Variants in CBL observed in about 807,000 individuals in gnomAD.
CBL encodes E3 ubiquitin-protein ligase CBL.
In CBL, 45 loss-of-function variants were observed where a neutral mutation model predicts 96.9. The observed-to-expected ratio is 0.46, with a 90% CI of 0.37 to 0.60. CBL has a LOEUF of 0.60. CBL is among the 20% of genes least tolerant of loss of function. The pLI is 0.00. For missense variants in CBL, 1,024 were observed against 1,143.5 expected (o/e 0.90, Z 1.51); for synonymous variants, 420 against 426.8 (o/e 0.98, Z 0.20).
At chr11:119,262,045 G>A (rs1210430608) in intron 2 of CBL, among the ~76,000 whole-genome samples, 1 of 152,126 alleles carries the variant, frequency 6.6e-6, no homozygotes, top group African/African-American at 2.4e-5. Context: ...CAGAATCATG[G>A]CATGCAAACA....
chr11:119,279,907 T>G (rs1282641205), intron 9 of CBL, among the ~76,000 whole-genome samples: 1 of 152,206 alleles, frequency 6.6e-6, no homozygotes, highest in African/African-American at 2.4e-5. Context: ...GACAAGGCTT[T>G]CAAGGAGCTA....
At chr11:119,230,431 C>T (rs761603107) in intron 1 of CBL, among the ~76,000 whole-genome samples, 9 of 152,274 alleles carry the variant, frequency 5.9e-5, no homozygotes, top group Non-Finnish European at 1.2e-4. Flanking sequence ...TGAGCCACCG[C>T]GCCCGGCCTG....
At chr11:119,284,890 C>T in intron 9 of CBL, 79 bp from the exon 10 acceptor site, 1 of 1,542,510 alleles carries the variant, frequency 6.5e-7, no homozygotes, top group Non-Finnish European at 8.9e-7. Flanking sequence ...ATGGTATTTG[C>T]CATCCACAGC....
intron 12 of CBL, chr11:119,289,627 A>G (rs1277393374): frequency 6.6e-6 from 1 of 151,934 alleles, no homozygotes; most frequent in African/African-American, 2.4e-5. Context: ...AATCATGGTA[A>G]TCATCTCTGT....
In CBL at chr11:119,307,440, C is replaced by T. The variant is rs567049953; in HGVS notation, c.*7659C>T. 23 of 232,724 alleles carry T rather than the reference C, an allele frequency of 9.9e-5. No individual in the cohort carries two copies. The highest frequency in any genetic ancestry group is 5.6e-4 in the Admixed American group (10 of 17,716). 14.4% of individuals were successfully genotyped at this position (232,724 alleles called of 1,614,324 possible). A position where few individuals can be genotyped will look rare whatever the true frequency, so the allele number is the denominator to read the frequency against. On this transcript the variant is annotated 3_prime_UTR_variant, in exon 16 of 16. Transcript: ENST00000264033. ...TGGTCTAGACCTCCTGCCCCCACCC[C>T]CCAGCCCCCATCAGATGTGGCTGGC...
intron 2 of CBL, among the ~76,000 whole-genome samples, chr11:119,259,532 C>T (rs530892945): frequency 3.3e-5 from 5 of 151,800 alleles, no homozygotes; most frequent in Non-Finnish European, 5.9e-5. Flanking sequence ...ACAGTAAATA[C>T]TATTTACTTT....
intron 1 of CBL, among the ~76,000 whole-genome samples, chr11:119,229,202 A>T (rs1054860418): frequency 6.6e-6 from 1 of 152,180 alleles, no homozygotes; most frequent in Non-Finnish European, 1.5e-5. Context: ...GTCTGTTTAT[A>T]AATACCTGAC....
At position 119,214,321 on chromosome 11, in the gene CBL, C is replaced by T. The variant is rs532116637; in HGVS notation, c.195+7709C>T. Among the ~76,000 whole-genome samples, 6 of 151,726 alleles carry T rather than the reference C, an allele frequency of 4.0e-5. No individual in the cohort carries two copies. In the South Asian group the frequency reaches 6.3e-4, roughly 16 times the overall value. On this transcript the variant is annotated intron_variant, in intron 1 of 15. Coordinates refer to ENST00000264033, the MANE Select transcript of CBL (RefSeq NM_005188.4). ...AGTCTCGGCTCAATGCAATGAGTGGCGTGATCTCACCTCTGCCTCCTGGGT... is the reference window on the plus strand; with the variant it reads ...AGTCTCGGCTCAATGCAATGAGTGGTGTGATCTCACCTCTGCCTCCTGGGT...
In CBL at chr11:119,285,217, A is replaced by C; in HGVS notation, c.1592A>C (p.Lys531Thr). 6.2e-7 allele frequency: 1 copy of C among 1,614,148 alleles called. No individual in the cohort carries two copies. Among genetic ancestry groups the C allele is most frequent in the Non-Finnish European group, 8.5e-7 (1 of 1,180,030 alleles). ...KAASGSLHKDKPLPVPPTLRD... is the reference protein window; with the variant it reads ...KAASGSLHKDTPLPVPPTLRD... ...GCTTCTGGCTCCCTTCATAAAGACA[A>C]ACCATTGCCAGTACCTCCCACACTT... Residue 531 changes from lysine (K) to threonine (T), a missense_variant, in exon 11 of 16, where the codon AAA becomes ACA. Lys to Thr is a moderately conservative substitution (Grantham distance 78, BLOSUM62 -1). This residue lies in a region of CBL where 695 missense variants were observed against 661.6 expected (regional missense o/e 1.05). Coordinates refer to ENST00000264033, the MANE Select transcript of CBL (RefSeq NM_005188.4).
chr11:119,213,455 T>G (rs1438221250), intron 1 of CBL, among the ~76,000 whole-genome samples: 1 of 152,212 alleles, frequency 6.6e-6, no homozygotes, highest in Non-Finnish European at 1.5e-5. Context: ...AACATCTTTC[T>G]TCTGTGTGTG....
chr11:119,283,261 G>A (rs1949952027), intron 9 of CBL, among the ~76,000 whole-genome samples: 1 of 152,222 alleles, frequency 6.6e-6, no homozygotes, highest in Admixed American at 6.5e-5. Context: ...GAGCTGTTTA[G>A]CTGCTCATGC....
At chr11:119,234,338 A>G (rs1262927145) in intron 2 of CBL, among the ~76,000 whole-genome samples, 19 of 152,178 alleles carry the variant, frequency 1.2e-4, no homozygotes, top group Admixed American at 1.2e-3. Flanking sequence ...TTCTGAGTGA[A>G]TTCAATCCGT....
chr11:119,300,085 A>G lies in CBL; in HGVS notation c.*304A>G, dbSNP rs1950091449. 5.4e-6 allele frequency: 3 copies of G among 554,656 alleles called. No individual in the cohort carries two copies. In the East Asian group the frequency reaches 9.1e-5, roughly 17 times the overall value. The allele number at this position is 554,656 out of a possible 1,614,324, so 34.4% of individuals were successfully genotyped here. A position where few individuals can be genotyped will look rare whatever the true frequency, so the allele number is the denominator to read the frequency against. On this transcript the variant is annotated 3_prime_UTR_variant, in exon 16 of 16. Transcript: ENST00000264033. ...GAACAGTCCAGAAAGCTATAGAACA[A>G]GTATTTTGCTGGAAATCCTAATTGA...
In CBL at chr11:119,278,381, G is replaced by A. The variant is rs2135304160; in HGVS notation, c.1227+84G>A. On this transcript the variant is annotated intron_variant, in intron 8 of 15. Transcript: ENST00000264033. ...TATATAGCCTTTACTGATACAAGGGGTGGCCTGGCTTTTGGGGTTAGGTTT... is the reference window on the plus strand; with the variant it reads ...TATATAGCCTTTACTGATACAAGGGATGGCCTGGCTTTTGGGGTTAGGTTT... 3.2e-6 allele frequency: 5 copies of A among 1,560,446 alleles called. No individual in the cohort carries two copies. In the South Asian group the frequency reaches 3.3e-5, roughly 10 times the overall value.
chr11:119,248,587 G>A (rs1400029408), intron 2 of CBL, among the ~76,000 whole-genome samples: 1 of 152,112 alleles, frequency 6.6e-6, no homozygotes, highest in Non-Finnish European at 1.5e-5. Context: ...ATGAATCTTG[G>A]ATTAGGCAAT....
intron 1 of CBL, among the ~76,000 whole-genome samples, chr11:119,225,097 T>C (rs1165558287): frequency 2.0e-5 from 3 of 151,326 alleles, no homozygotes; most frequent in Admixed American, 6.6e-5. Context: ...TGTATGCATG[T>C]ATTTATTTAT....
chr11:119,213,820 C>T (rs1466535550), intron 1 of CBL, among the ~76,000 whole-genome samples: 3 of 152,100 alleles, frequency 2.0e-5, no homozygotes, highest in Non-Finnish European at 4.4e-5. Flanking sequence ...CTTCCTCCCG[C>T]TTTGGCCTTC....
chr11:119,236,595 GTATATATATATATATATATATATA>G (rs71048051), intron 2 of CBL, among the ~76,000 whole-genome samples: 1 of 137,746 alleles, frequency 7.3e-6, no homozygotes, highest in Non-Finnish European at 1.6e-5. Flanking sequence ...CTTCTTTTGA[GTATATATATATATATATATATATA>G]TATACCCATA....
At chr11:119,244,581 A>ATTTTTTTTTTTTTTTTTTTTTTTTT (rs532837579) in intron 2 of CBL, among the ~76,000 whole-genome samples, 10 of 104,388 alleles carry the variant, frequency 9.6e-5, no homozygotes, top group East Asian at 6.7e-4. Flanking sequence ...TGCCCGGCTA[A>ATTTTTTTTTTTTTTTTTTTTTTTTT]TTTTTTTTTT....
Sources: allele counts gnomAD v4.1 joint callset (sites outside exome capture counted in the v4.1 genomes callset), GRCh38; gene constraint gnomAD v4.1.1; regional missense constraint gnomAD v4.1.1; transcripts MANE v1.5; gene names NCBI Gene and HGNC (gene_info 2026-07-23, HGNC 2026-07-21).